CDKL3: variants seen among roughly 807,000 people sequenced by gnomAD.
CDKL3 encodes the protein cyclin-dependent kinase-like 3.
A neutral mutation model predicts 69.3 loss-of-function variants in CDKL3; 65 were observed. The observed-to-expected ratio is 0.94, with a 90% CI of 0.77 to 1.15. CDKL3 has a LOEUF of 1.15. Among genes scored for constraint, CDKL3 ranks in the 50% most tolerant of loss-of-function variants. The pLI, the probability that CDKL3 is intolerant of heterozygous loss-of-function variation, is 0.00. For missense variants in CDKL3, 652 were observed against 689.2 expected (o/e 0.95, Z 0.61); for synonymous variants, 202 against 221.6 (o/e 0.91, Z 0.79).
At chr5:134,351,793 ATAAAT>A (rs1361392535) in intron 3 of CDKL3, among the ~76,000 whole-genome samples, 2 of 152,150 alleles carry the variant, frequency 1.3e-5, no homozygotes, top group African/African-American at 4.8e-5. Context: ...ATTTTAATTG[ATAAAT>A]TAAAATTGTA....
At chr5:134,367,664 GC>G (rs924789394), upstream of CDKL3, among the ~76,000 whole-genome samples, 1 of 152,118 alleles carries the variant, frequency 6.6e-6, no homozygotes, top group Non-Finnish European at 1.5e-5. Context: ...GTAAGCCACC[GC>G]CCCCGGTCAA....
At chr5:134,297,890 T>TTG (rs528154005), downstream of CDKL3, among the ~76,000 whole-genome samples, 2,807 of 105,142 alleles carry the variant, frequency 0.027, 41 homozygotes, top group Non-Finnish European at 0.035. Flanking sequence ...CATGAATAGT[T>TTG]TGTGTGTGTG....
At chr5:134,342,090 C>A (rs568339545) in intron 4 of CDKL3, among the ~76,000 whole-genome samples, 2 of 152,226 alleles carry the variant, frequency 1.3e-5, no homozygotes, top group African/African-American at 4.8e-5. Flanking sequence ...CACGAGATGA[C>A]GAACCCTGGG....
rs759028939 is a variant in CDKL3, at chr5:134,366,979, G to C, written c.-24C>G. Reference sequence around the variant, plus strand: ...CCACACGTCTTAGGATGCCGGACCGGCGTCACGCCCCACGTCCCGCTGTTG... The same window carrying C: ...CCACACGTCTTAGGATGCCGGACCGCCGTCACGCCCCACGTCCCGCTGTTG... On this transcript the variant is annotated splice_region_variant and 5_prime_UTR_variant, in exon 1 of 13. Transcript: ENST00000265334. 74 of 989,262 alleles carry C rather than the reference G, an allele frequency of 7.5e-5. No individual in the cohort carries two copies. Among genetic ancestry groups the C allele is most frequent in the Admixed American group, 3.1e-4 (5 of 16,302 alleles). The allele number at this position is 989,262 out of a possible 1,614,324, so 61.3% of individuals were successfully genotyped here.
chr5:134,291,699 G>A (rs892009661), intron 8 of CDKL3, among the ~76,000 whole-genome samples: 57 of 151,886 alleles, frequency 3.8e-4, no homozygotes, highest in African/African-American at 1.4e-3. Context: ...GCTTGAACCT[G>A]GGAGGCAGAG....
chr5:134,341,034 T>C (rs1750352534), intron 4 of CDKL3, among the ~76,000 whole-genome samples: 1 of 152,004 alleles, frequency 6.6e-6, no homozygotes, highest in Non-Finnish European at 1.5e-5. Flanking sequence ...TGGTTCAATA[T>C]CCAAAAACCA....
intron 2 of CDKL3, among the ~76,000 whole-genome samples, chr5:134,363,087 AT>A (rs1390435744): frequency 3.3e-5 from 5 of 152,232 alleles, no homozygotes; most frequent in Admixed American, 6.5e-5. Context: ...TAGAAAAAAA[AT>A]AATCAATTTA....
rs968773436 is a variant in CDKL3 at position 134,358,539 on chromosome 5, C to A, written c.360+1358G>T. Among the ~76,000 whole-genome samples, 97 of 150,012 alleles carry A rather than the reference C, an allele frequency of 6.5e-4. 1 individual carries two copies. The highest frequency in any genetic ancestry group is 1.9e-3 in the African/African-American group (79 of 40,698). On this transcript the variant is annotated intron_variant, in intron 3 of 12. Transcript: ENST00000265334. Reference sequence around the variant, plus strand: ...GCTTTCTTTTCTTTTCCTTTTTTTTCTTTTCTTTCCTTAACACAACTATTA... The same window carrying A: ...GCTTTCTTTTCTTTTCCTTTTTTTTATTTTCTTTCCTTAACACAACTATTA...
Position 134,321,911 on chromosome 5 carries a change from A to T in CDKL3, c.540-8T>A. The T allele has an allele frequency of 6.9e-7, 1 of 1,458,432 alleles. No homozygotes were observed. Among genetic ancestry groups the T allele is most frequent in the South Asian group, 1.2e-5 (1 of 80,442 alleles). 90.3% of individuals were successfully genotyped at this position (1,458,432 alleles called of 1,614,324 possible). On this transcript the variant is annotated splice_polypyrimidine_tract_variant and splice_region_variant and intron_variant, in intron 4 of 12. Transcript: ENST00000265334. ...GCCCAGATATCCACAGGTCTGAAAC[A>T]GATCAGGGAAAAAAAAATCACTTTT...
intron 4 of CDKL3, among the ~76,000 whole-genome samples, chr5:134,347,803 G>A (rs909561683): frequency 1.3e-5 from 2 of 150,724 alleles, no homozygotes; most frequent in African/African-American, 4.9e-5. Flanking sequence ...CTACTTATAT[G>A]AAATGTCCAG....
chr5:134,333,125 G>A (rs1443711067), intron 4 of CDKL3, among the ~76,000 whole-genome samples: 1 of 152,076 alleles, frequency 6.6e-6, no homozygotes, highest in Admixed American at 6.6e-5. Flanking sequence ...AAATGCTTGT[G>A]ATTTTTGCAG....
chr5:134,335,167 T>C (rs1313931310), intron 4 of CDKL3, among the ~76,000 whole-genome samples: 1 of 151,376 alleles, frequency 6.6e-6, no homozygotes, highest in Non-Finnish European at 1.5e-5. Flanking sequence ...CCGCTTTCCA[T>C]TTGCTTGGTA....
chr5:134,330,842 A>G (rs4532405), intron 4 of CDKL3, among the ~76,000 whole-genome samples: 150,532 of 152,350 alleles, frequency 0.99, 74,391 homozygotes, highest in Middle Eastern at 1. Flanking sequence ...CAAAAAAACC[A>G]TTGCCATGAC....
chr5:134,319,523 T>C (rs1772178765), intron 5 of CDKL3, 26 bp from the exon 6 acceptor site: 4 of 1,498,246 alleles, frequency 2.7e-6, no homozygotes, highest in Non-Finnish European at 3.6e-6. Flanking sequence ...AATGTATATT[T>C]AAAAAACAGA....
At chr5:134,370,835 C>A (rs912151321), upstream of CDKL3, among the ~76,000 whole-genome samples, 9 of 152,156 alleles carry the variant, frequency 5.9e-5, no homozygotes, top group African/African-American at 2.2e-4. Flanking sequence ...GCCACTGAAC[C>A]AACCAGAGGG....
chr5:134,299,490 A>G (rs1765792300), intron 12 of CDKL3: 1 of 1,223,780 alleles, frequency 8.2e-7, no homozygotes, highest in Non-Finnish European at 1.1e-6. Context: ...TTATAAATTC[A>G]TGTTCAAATT....
At chr5:134,340,328 G>A (rs549869142) in intron 4 of CDKL3, among the ~76,000 whole-genome samples, 1 of 151,948 alleles carries the variant, frequency 6.6e-6, no homozygotes, top group African/African-American at 2.4e-5. Context: ...GGAAAAAGAA[G>A]GGCAAACTAA....
At chr5:134,318,610 T>G (rs1771839626) in intron 6 of CDKL3, among the ~76,000 whole-genome samples, 2 of 152,052 alleles carry the variant, frequency 1.3e-5, no homozygotes, top group Admixed American at 1.3e-4. Flanking sequence ...CTCAGCCTCC[T>G]GCGTAACTGG....
chr5:134,360,070 C>T lies in CDKL3; in HGVS notation c.187G>A (p.Val63Ile). 1.3e-6 allele frequency: 2 copies of T among 1,539,574 alleles called. No individual in the cohort carries two copies. Among genetic ancestry groups the T allele is most frequent in the Non-Finnish European group, 1.7e-6 (2 of 1,144,316 alleles). ...FLKQFHHENL[V>I]NLIEVFRQKK... ...TGTCTAAAAACTTCAATCAGATTGA[C>T]CAGGTTTTCGTGATGAAATTGCTAT... Residue 63 changes from valine (V) to isoleucine (I), a missense_variant, in exon 3 of 13, where the codon GTC (valine) becomes ATC (isoleucine). Coordinates refer to ENST00000265334, the MANE Select transcript of CDKL3 (RefSeq NM_001113575.2).
Sources: gnomAD v4.1 joint callset for allele counts (sites outside exome capture counted in the v4.1 genomes callset) on GRCh38, gnomAD v4.1.1 for gene constraint, MANE v1.5 for transcripts, NCBI Gene and HGNC (gene_info 2026-07-23, HGNC 2026-07-21) for gene names.